The following TLN2 variants were observed in gnomAD, a reference collection of about 807,000 sequenced individuals.
TLN2 encodes talin-2.
A neutral mutation model predicts 294.7 loss-of-function variants in TLN2; 118 were observed. That is an observed-to-expected ratio of 0.40 (90% CI 0.34 to 0.47). TLN2 has a LOEUF of 0.47. Ranked by LOEUF, TLN2 falls within the 20% of genes least tolerant of loss-of-function variation. TLN2 has a pLI of 0.84. For synonymous variants in TLN2, 1,431 were observed against 1,304.5 expected (o/e 1.10, Z -2.09); for missense variants, 3,083 against 3,282.2 (o/e 0.94, Z 1.48).
chr15:62,833,421 G>A (rs1596187828), intron 54 of TLN2, 83 bp from the exon 55 acceptor site: 2 of 1,553,198 alleles, frequency 1.3e-6, no homozygotes, highest in East Asian at 4.6e-5. Flanking sequence ...TGAAGAGCCA[G>A]GTGACCCGGC....
At chr15:62,462,296 G>T (rs1181835346) in intron 1 of TLN2, among the ~76,000 whole-genome samples, 1 of 152,174 alleles carries the variant, frequency 6.6e-6, no homozygotes, top group East Asian at 1.9e-4. Flanking sequence ...AATGATGGAA[G>T]AAGGAGCACC....
At chr15:62,687,082 GT>G (rs2057347184) in intron 12 of TLN2, among the ~76,000 whole-genome samples, 1 of 152,170 alleles carries the variant, frequency 6.6e-6, no homozygotes. Flanking sequence ...ATGATTCTCA[GT>G]TCTGTGTTCC....
rs58931667 is a variant in TLN2, at chr15:62,491,862, A to T, written c.-237-97825A>T. On this transcript the variant is annotated intron_variant, in intron 1 of 58. Coordinates refer to ENST00000636159, the MANE Select transcript of TLN2 (RefSeq NM_015059.3). ...AGGAATCTCTGTCCTTCAGTGGATG[A>T]TGTTTTCTGTGGTCTTGTTCAGGAA... Among the ~76,000 whole-genome samples, 1,046 of 152,190 alleles carry T rather than the reference A, an allele frequency of 6.9e-3. 9 individuals carry two copies. Among genetic ancestry groups the T allele is most frequent in the African/African-American group, 0.024 (999 of 41,502 alleles).
At chr15:62,450,103 C>T (rs183918217) in intron 1 of TLN2, among the ~76,000 whole-genome samples, 36 of 152,296 alleles carry the variant, frequency 2.4e-4, no homozygotes, top group African/African-American at 8.4e-4. Context: ...CAGAATCTCT[C>T]CTCTGGCTTC....
intron 51 of TLN2, 50 bp from the exon 52 acceptor site, chr15:62,809,875 A>T (rs990088658): frequency 6.3e-7 from 1 of 1,575,788 alleles, no homozygotes; most frequent in Non-Finnish European, 8.7e-7. Flanking sequence ...GGGACTGCCC[A>T]ATGCTGGCTT....
chr15:62,543,483 C>T (rs1309114543), intron 1 of TLN2, among the ~76,000 whole-genome samples: 9 of 152,268 alleles, frequency 5.9e-5, no homozygotes, highest in South Asian at 4.1e-4. Flanking sequence ...CTAGGCCAGA[C>T]GCGCTGGCTC....
chr15:62,552,986 A>G (rs540308834), intron 1 of TLN2, among the ~76,000 whole-genome samples: 1 of 152,216 alleles, frequency 6.6e-6, no homozygotes, highest in Non-Finnish European at 1.5e-5. Flanking sequence ...CATTTTAAGG[A>G]TCTCACGTGA....
chr15:62,546,669 G>A (rs958637007), intron 1 of TLN2, among the ~76,000 whole-genome samples: 1 of 152,170 alleles, frequency 6.6e-6, no homozygotes, highest in African/African-American at 2.4e-5. Context: ...AGGCCATCTT[G>A]GCACCATGGC....
intron 1 of TLN2, among the ~76,000 whole-genome samples, chr15:62,432,483 C>T (rs2035059850): frequency 6.6e-6 from 1 of 152,112 alleles, no homozygotes; most frequent in Admixed American, 6.6e-5. Context: ...CTCTCTTGAC[C>T]TAAACACCTC....
Position 62,698,776 on chromosome 15 carries a change from T to C in TLN2, c.1496T>C (p.Met499Thr). 1.9e-6 allele frequency: 3 copies of C among 1,611,532 alleles called. No homozygotes were observed. Among genetic ancestry groups the C allele is most frequent in the Non-Finnish European group, 2.5e-6 (3 of 1,179,960 alleles). Reference protein sequence around the residue: ...PPLTSAQQALMGTINTSMHAV... With the variant: ...PPLTSAQQALTGTINTSMHAV... ...CAGACCTCAGCCCAGCAGGCCCTGA[T>C]GGGGACCATCAACACAAGCATGCAC... Residue 499 changes from methionine to threonine, a missense_variant, in exon 16 of 59, where the codon ATG (methionine) becomes ACG (threonine). Met to Thr is a moderately conservative substitution (Grantham distance 81). Transcript: ENST00000636159.
intron 1 of TLN2, among the ~76,000 whole-genome samples, chr15:62,548,737 T>C (rs2042129022): frequency 6.6e-6 from 1 of 152,200 alleles, no homozygotes; most frequent in South Asian, 2.1e-4. Context: ...CATCAACCTC[T>C]GGAGCTAAGT....
chr15:62,721,942 G>A (rs555073778), intron 25 of TLN2, among the ~76,000 whole-genome samples: 3 of 152,298 alleles, frequency 2.0e-5, no homozygotes, highest in South Asian at 2.1e-4. Context: ...TGTGAGGTGC[G>A]AGGTCATGTT....
At chr15:62,739,625 C>G in intron 31 of TLN2, 80 bp downstream of exon 31, 1 of 1,519,624 alleles carries the variant, frequency 6.6e-7, no homozygotes, top group Non-Finnish European at 9.0e-7. Context: ...ACTGACTGAA[C>G]AAATAGGAAA....
intron 28 of TLN2, among the ~76,000 whole-genome samples, chr15:62,735,015 C>G (rs1435866394): frequency 2.0e-5 from 3 of 152,200 alleles, no homozygotes; most frequent in Admixed American, 6.5e-5. Flanking sequence ...GAGAGAGACA[C>G]TGATTTGCGT....
intron 47 of TLN2, among the ~76,000 whole-genome samples, chr15:62,796,792 C>G (rs149500202): frequency 6.8e-4 from 103 of 152,318 alleles, no homozygotes; most frequent in African/African-American, 2.4e-3. Flanking sequence ...GGAGGCAGTT[C>G]CCAGAGCTCT....
At chr15:62,817,582 T>A (rs2067214288) in intron 52 of TLN2, among the ~76,000 whole-genome samples, 2 of 152,186 alleles carry the variant, frequency 1.3e-5, no homozygotes, top group South Asian at 4.1e-4. Flanking sequence ...CTGGTCATGG[T>A]GTAACCCATT....
At chr15:62,717,368 G>T (rs1439861393) in intron 23 of TLN2, among the ~76,000 whole-genome samples, 1 of 152,174 alleles carries the variant, frequency 6.6e-6, no homozygotes, top group Admixed American at 6.5e-5. Context: ...AAGCGTGCCT[G>T]TCTTTGTCAC....
chr15:62,767,682 G>C (rs2063102086), intron 41 of TLN2, among the ~76,000 whole-genome samples: 2 of 152,216 alleles, frequency 1.3e-5, no homozygotes, highest in Admixed American at 1.3e-4. Context: ...ACGGCAATTA[G>C]AAAAGGGCTT....
intron 1 of TLN2, among the ~76,000 whole-genome samples, chr15:62,459,123 C>G (rs1458294476): frequency 6.6e-6 from 1 of 152,028 alleles, no homozygotes; most frequent in Non-Finnish European, 1.5e-5. Context: ...GCCTCAGCCT[C>G]CTGAGTAGCT....
Sources: gnomAD v4.1 joint callset for allele counts (sites outside exome capture counted in the v4.1 genomes callset) on GRCh38, gnomAD v4.1.1 for gene constraint, MANE v1.5 for transcripts, NCBI Gene and HGNC (gene_info 2026-07-23, HGNC 2026-07-21) for gene names.